Variants in KITLG observed in about 807,000 individuals in gnomAD.
KITLG encodes KIT ligand.
Under a neutral mutation model 34.1 loss-of-function variants are expected in KITLG, and 13 were observed. That is an observed-to-expected ratio of 0.38 (90% CI 0.25 to 0.61). The LOEUF (loss-of-function observed/expected upper bound fraction) is 0.61. Ranked by LOEUF, KITLG falls within the 20% of genes least tolerant of loss-of-function variation. The probability of loss-of-function intolerance (pLI) is 0.60; values close to 1 mark genes in which losing one functional copy is unlikely to be tolerated. For synonymous variants in KITLG, 110 were observed against 104.0 expected, an observed-to-expected ratio of 1.06 and a Z score of -0.35; for missense variants, 292 against 318.9, an observed-to-expected ratio of 0.92 and a Z score of 0.64.
rs373793925 is a variant in KITLG at position 88,554,576 on chromosome 12, C to T, written c.16-8711G>A. Among the ~76,000 whole-genome samples, 8 of 152,298 alleles carry T rather than the reference C, an allele frequency of 5.3e-5. No individual in the cohort carries two copies. The East Asian group carries it at 1.4e-3, about 26-fold the overall frequency. The stretch of plus-strand genomic sequence containing the variant: ...GCCAACTGGCTCAACTACCCAAAGA[C>T]AGGAAAGCAAGTTACCAAGATACAG... On this transcript the variant is annotated intron_variant, in intron 1 of 9. Transcript: ENST00000644744.
chr12:88,549,500 G>A (rs937857573), intron 1 of KITLG, among the ~76,000 whole-genome samples: 1 of 152,178 alleles, frequency 6.6e-6, no homozygotes, highest in Non-Finnish European at 1.5e-5. Context: ...TTTCCTGACA[G>A]AGTACGATTT....
At chr12:88,579,000 C>T (rs1217387563) in intron 1 of KITLG, among the ~76,000 whole-genome samples, 6 of 152,176 alleles carry the variant, frequency 3.9e-5, no homozygotes, top group Non-Finnish European at 8.8e-5. Flanking sequence ...GGGAGAGGCA[C>T]ATCGCGTCTT....
intron 8 of KITLG, among the ~76,000 whole-genome samples, chr12:88,505,740 T>C (rs1039850720): frequency 2.6e-5 from 4 of 152,124 alleles, no homozygotes; most frequent in Admixed American, 2.0e-4. Context: ...ATAAAAGATA[T>C]ATAAAATATA....
At chr12:88,569,646 A>G (rs1871574377) in intron 1 of KITLG, among the ~76,000 whole-genome samples, 1 of 152,144 alleles carries the variant, frequency 6.6e-6, no homozygotes, top group Non-Finnish European at 1.5e-5. Context: ...CAGATGGGGA[A>G]ATTGAGGCTA....
chr12:88,546,172 G>C (rs183573652), intron 1 of KITLG: 41 of 419,360 alleles, frequency 9.8e-5, no homozygotes, highest in African/African-American at 6.5e-4. Flanking sequence ...TTAGCCCTTA[G>C]GGTATCTTCT....
chr12:88,554,034 C>T (rs1470964462), intron 1 of KITLG, among the ~76,000 whole-genome samples: 1 of 152,206 alleles, frequency 6.6e-6, no homozygotes, highest in African/African-American at 2.4e-5. Flanking sequence ...TAACCAATCC[C>T]TCCTGAACAC....
At chr12:88,538,507 G>A (rs1386759759) in intron 2 of KITLG, among the ~76,000 whole-genome samples, 1 of 151,904 alleles carries the variant, frequency 6.6e-6, no homozygotes, top group African/African-American at 2.4e-5. Flanking sequence ...TTTCAGCAGA[G>A]AAGGAACCTG....
At chr12:88,567,182 C>T (rs1871471277) in intron 1 of KITLG, among the ~76,000 whole-genome samples, 2 of 152,000 alleles carry the variant, frequency 1.3e-5, no homozygotes, top group African/African-American at 4.8e-5. Context: ...AAAGAGATTT[C>T]TGCATTTTAA....
chr12:88,501,968 A>T (rs1213692163), intron 9 of KITLG, among the ~76,000 whole-genome samples: 38 of 152,154 alleles, frequency 2.5e-4, no homozygotes, highest in Admixed American at 2.5e-3. Flanking sequence ...AAAGGGCACA[A>T]AATGTTCATT....
chr12:88,506,977 T>C (rs1869087378), intron 7 of KITLG, 51 bp downstream of exon 7: 1 of 980,136 alleles, frequency 1.0e-6, no homozygotes, highest in African/African-American at 1.6e-5. Context: ...AAAAAGATGA[T>C]AATTTATGTA....
chr12:88,552,216 T>C (rs1224327791), intron 1 of KITLG, among the ~76,000 whole-genome samples: 3 of 150,912 alleles, frequency 2.0e-5, no homozygotes, highest in African/African-American at 7.3e-5. Flanking sequence ...TCTCTGTTGC[T>C]CAGGCTGGGA....
chr12:88,525,526 A>G (rs1869833956), intron 3 of KITLG, among the ~76,000 whole-genome samples: 1 of 152,194 alleles, frequency 6.6e-6, no homozygotes, highest in Non-Finnish European at 1.5e-5. Context: ...GTCAAAATAT[A>G]GTAAAAAGAG....
At position 88,516,693 on chromosome 12, in the gene KITLG, G is replaced by T. The variant is rs10858753; in HGVS notation, c.364-203C>A. On this transcript the variant is annotated intron_variant, in intron 4 of 9. Transcript: ENST00000644744. ...AGTGGGATCACAAGTTGAATCTGGGGCAGTGAACACAATGTCATGGCAAAA... is the reference window on the plus strand; with the variant it reads ...AGTGGGATCACAAGTTGAATCTGGGTCAGTGAACACAATGTCATGGCAAAA... Among the ~76,000 whole-genome samples, 7,064 of 151,510 alleles carry T rather than the reference G, an allele frequency of 0.047. 258 individuals are homozygous for T. Among genetic ancestry groups the T allele is most frequent in the Non-Finnish European group, 0.076 (5,125 of 67,604 alleles).
intron 9 of KITLG, among the ~76,000 whole-genome samples, chr12:88,502,232 C>T (rs1222160225): frequency 6.6e-6 from 1 of 152,106 alleles, no homozygotes; most frequent in African/African-American, 2.4e-5. Context: ...ATTCTGGCTT[C>T]TTTAACCTGG....
intron 6 of KITLG, among the ~76,000 whole-genome samples, chr12:88,510,122 T>C (rs1361035696): frequency 1.3e-5 from 2 of 152,200 alleles, no homozygotes; most frequent in Non-Finnish European, 2.9e-5. Context: ...CTTGTTTCAT[T>C]TGACTAATAA....
intron 1 of KITLG, among the ~76,000 whole-genome samples, chr12:88,549,076 G>A (rs906637): frequency 0.027 from 4,164 of 152,268 alleles, 183 homozygotes; most frequent in African/African-American, 0.094. Context: ...CATACAGAGA[G>A]AAAAGCTGGT....
In KITLG at chr12:88,547,781, C is replaced by T. The variant is rs151040762; in HGVS notation, c.16-1916G>A. On this transcript the variant is annotated intron_variant, in intron 1 of 9. Coordinates refer to ENST00000644744, the MANE Select transcript of KITLG (RefSeq NM_000899.5). ...TGGCAGAAATTCTGTTACTGGTCTT[C>T]GCAATCCTTTACGCCTGGCATTGAA... is the stretch of plus-strand genomic sequence containing the variant. Among the ~76,000 whole-genome samples the T allele has an allele frequency of 1.4e-4, 22 of 152,252 alleles. 1 individual carries two copies. In the East Asian group the frequency reaches 3.9e-3, roughly 27 times the overall value.
chr12:88,520,274 T>C (rs1053063467), intron 3 of KITLG, among the ~76,000 whole-genome samples: 1 of 152,240 alleles, frequency 6.6e-6, no homozygotes, highest in Non-Finnish European at 1.5e-5. Flanking sequence ...ACTTGCATCA[T>C]TATCAGGTCT....
intron 1 of KITLG, among the ~76,000 whole-genome samples, chr12:88,571,587 A>G (rs1341963262): frequency 1.3e-5 from 2 of 152,200 alleles, no homozygotes; most frequent in Non-Finnish European, 2.9e-5. Flanking sequence ...AAATTTTGCC[A>G]TTAGAAAAAA....
Sources: gnomAD v4.1 joint callset for allele counts (sites outside exome capture counted in the v4.1 genomes callset) on GRCh38, gnomAD v4.1.1 for gene constraint, MANE v1.5 for transcripts, NCBI Gene and HGNC (gene_info 2026-07-23, HGNC 2026-07-21) for gene names.